HS3ST5: variants seen among roughly 807,000 people sequenced by gnomAD.
HS3ST5 encodes heparan sulfate glucosamine 3-O-sulfotransferase 5.
HS3ST5 carries 10 observed loss-of-function variants against 25.4 expected under a neutral mutation model. That is an observed-to-expected ratio of 0.39 (90% confidence interval 0.24 to 0.67). The LOEUF (loss-of-function observed/expected upper bound fraction) is 0.67. Ranked by LOEUF, HS3ST5 falls within the 30% of genes least tolerant of loss-of-function variation. The pLI is 0.44. For synonymous variants in HS3ST5, 170 were observed against 162.4 expected (o/e 1.05, Z -0.36); for missense variants, 324 against 420.7 (o/e 0.77, Z 2.01).
intron 1 of HS3ST5, among the ~76,000 whole-genome samples, chr6:114,263,736 T>A (rs1773280528): frequency 6.6e-6 from 1 of 151,976 alleles, no homozygotes. Context: ...AGCTAAGGAG[T>A]GGGTGACAAA....
At chr6:114,291,805 A>G (rs76600657) in intron 1 of HS3ST5, among the ~76,000 whole-genome samples, 2,817 of 152,314 alleles carry the variant, frequency 0.018, 102 homozygotes, top group African/African-American at 0.064. Context: ...GTAAAGCTCT[A>G]GGGCCTTGAA....
chr6:114,227,817 A>G (rs923222481), intron 2 of HS3ST5, among the ~76,000 whole-genome samples: 7 of 152,092 alleles, frequency 4.6e-5, no homozygotes, highest in African/African-American at 1.7e-4. Context: ...AATAACCCTA[A>G]ATATCTAAAT....
chr6:114,275,371 T>C (rs569669347), intron 1 of HS3ST5, among the ~76,000 whole-genome samples: 1 of 152,078 alleles, frequency 6.6e-6, no homozygotes, highest in African/African-American at 2.4e-5. Flanking sequence ...AAGCATTCTC[T>C]TTAGTGCTTC....
In HS3ST5 at chr6:114,164,658, A is replaced by G. The variant is rs62415772; in HGVS notation, c.-33+3693T>C. Among the ~76,000 whole-genome samples, 472 of 152,318 alleles carry G rather than the reference A, an allele frequency of 3.1e-3. 2 individuals carry two copies. The highest frequency in any genetic ancestry group is 5.2e-3 in the Non-Finnish European group (355 of 68,026). On this transcript the variant is annotated intron_variant, in intron 3 of 4. Coordinates refer to ENST00000312719, the MANE Select transcript of HS3ST5 (RefSeq NM_153612.4). ...CTGTTCTCATTTGGGTTAAAATACA[A>G]TTCTTAAAACATCTGGAGTAAGTAA...
chr6:114,239,333 G>C (rs1771997231), intron 1 of HS3ST5: 1 of 152,198 alleles, frequency 6.6e-6, no homozygotes, highest in South Asian at 2.1e-4. Flanking sequence ...CATGCGTTTT[G>C]CTTGCCATCC....
At chr6:114,281,401 A>G (rs117281271) in intron 1 of HS3ST5, among the ~76,000 whole-genome samples, 17 of 152,032 alleles carry the variant, frequency 1.1e-4, no homozygotes, top group Non-Finnish European at 1.9e-4. Context: ...TGTAGTGAAA[A>G]GTTTCTTTAA....
rs549233724 is a variant in HS3ST5 at position 114,280,782 on chromosome 6, T to C, written c.-338-52004A>G. 8.9e-4 allele frequency among the ~76,000 whole-genome samples: 135 copies of C among 152,088 alleles called. 1 individual carries two copies. Among genetic ancestry groups the C allele is most frequent in the African/African-American group, 3.1e-3 (129 of 41,546 alleles). On this transcript the variant is annotated intron_variant, in intron 1 of 4. Transcript: ENST00000312719. The stretch of plus-strand genomic sequence containing the variant: ...GGTAATCTGACCTGCTTATTCACGA[T>C]TCAGCATTAAAACCAAAGTAGGGCG...
intron 1 of HS3ST5, among the ~76,000 whole-genome samples, chr6:114,305,283 C>T (rs534693603): frequency 6.6e-6 from 1 of 152,242 alleles, no homozygotes; most frequent in South Asian, 2.1e-4. Context: ...GTGGCATATA[C>T]AATTTTCTAA....
At chr6:114,096,429 CT>C (rs1167028466) in intron 3 of HS3ST5, among the ~76,000 whole-genome samples, 2 of 152,044 alleles carry the variant, frequency 1.3e-5, no homozygotes, top group African/African-American at 4.8e-5. Flanking sequence ...TAACGTAGGA[CT>C]TTTTTTCCCC....
chr6:114,166,409 A>G (rs1203696756), intron 3 of HS3ST5, among the ~76,000 whole-genome samples: 3 of 152,214 alleles, frequency 2.0e-5, no homozygotes, highest in Non-Finnish European at 4.4e-5. Flanking sequence ...TCTAGACAAT[A>G]AAGAGATTCC....
intron 1 of HS3ST5, among the ~76,000 whole-genome samples, chr6:114,253,599 T>C (rs1772766041): frequency 6.6e-6 from 1 of 152,218 alleles, no homozygotes; most frequent in Non-Finnish European, 1.5e-5. Flanking sequence ...GGCTGTGGGC[T>C]TGCAATGACT....
chr6:114,256,369 C>T (rs1772921482), intron 1 of HS3ST5, among the ~76,000 whole-genome samples: 1 of 147,324 alleles, frequency 6.8e-6, no homozygotes, highest in African/African-American at 2.5e-5. Flanking sequence ...GCCTGGAGGA[C>T]AGAGCAAGAC....
At chr6:114,118,539 A>G (rs1028441936) in intron 3 of HS3ST5, among the ~76,000 whole-genome samples, 19 of 152,210 alleles carry the variant, frequency 1.2e-4, no homozygotes, top group African/African-American at 3.9e-4. Flanking sequence ...TTGACTACCT[A>G]TTCTCATTTC....
At chr6:114,161,521 T>TTATATATACATA (rs1778948945) in intron 3 of HS3ST5, among the ~76,000 whole-genome samples, 1 of 33,538 alleles carries the variant, frequency 3.0e-5, no homozygotes, top group Non-Finnish European at 5.6e-5. Context: ...TCCTGAAGTT[T>TTATATATACATA]TATATATATA....
At chr6:114,287,210 T>G (rs1774377562) in intron 1 of HS3ST5, among the ~76,000 whole-genome samples, 1 of 152,040 alleles carries the variant, frequency 6.6e-6, no homozygotes, top group Non-Finnish European at 1.5e-5. Flanking sequence ...GGCAGTAATA[T>G]AATTTTAATA....
intron 3 of HS3ST5, among the ~76,000 whole-genome samples, chr6:114,149,968 T>G (rs1778372637): frequency 1.3e-5 from 2 of 152,184 alleles, no homozygotes; most frequent in Non-Finnish European, 2.9e-5. Flanking sequence ...CTTTGTTGGT[T>G]AGATTAACAT....
At chr6:114,208,796 C>A (rs942515517) in intron 2 of HS3ST5, among the ~76,000 whole-genome samples, 2 of 152,154 alleles carry the variant, frequency 1.3e-5, no homozygotes, top group Non-Finnish European at 2.9e-5. Flanking sequence ...GATGATAATG[C>A]CTGCTTTAAC....
intron 2 of HS3ST5, among the ~76,000 whole-genome samples, chr6:114,190,201 A>G (rs1424336923): frequency 6.6e-6 from 1 of 152,072 alleles, no homozygotes; most frequent in Non-Finnish European, 1.5e-5. Flanking sequence ...GAGGAGTGGG[A>G]GATGGGGGGT....
intron 1 of HS3ST5, among the ~76,000 whole-genome samples, chr6:114,330,249 T>C (rs984429393): frequency 1.3e-5 from 2 of 152,032 alleles, no homozygotes; most frequent in Non-Finnish European, 2.9e-5. Flanking sequence ...ACATGGATAA[T>C]GGTTGGAATT....
Sources: allele counts gnomAD v4.1 joint callset (sites outside exome capture counted in the v4.1 genomes callset), GRCh38; gene constraint gnomAD v4.1.1; transcripts MANE v1.5; gene names NCBI Gene and HGNC (gene_info 2026-07-23, HGNC 2026-07-21).